Variants in ADGRG6 observed in about 807,000 individuals in gnomAD.
ADGRG6 encodes the protein G-protein coupled receptor 126.
A neutral mutation model predicts 142.4 loss-of-function variants in ADGRG6; 84 were observed. The observed-to-expected ratio is 0.59, with a 90% CI of 0.49 to 0.71. The LOEUF (loss-of-function observed/expected upper bound fraction) is 0.71, where lower values mean the gene tolerates loss of function less well. ADGRG6 is among the 30% of genes least tolerant of loss of function. The pLI is 0.00. For missense variants in ADGRG6, 1,367 were observed against 1,466.6 expected, an observed-to-expected ratio of 0.93 and a Z score of 1.11; for synonymous variants, 521 against 520.5, an observed-to-expected ratio of 1.00 and a Z score of -0.01.
intron 2 of ADGRG6, among the ~76,000 whole-genome samples, chr6:142,352,587 A>G (rs1780239400): frequency 6.6e-6 from 1 of 152,090 alleles, no homozygotes; most frequent in South Asian, 2.1e-4. Flanking sequence ...GTAACAAACC[A>G]CCTGTACCCT....
chr6:142,319,564 C>CT (rs926448093), intron 2 of ADGRG6, among the ~76,000 whole-genome samples: 21 of 152,130 alleles, frequency 1.4e-4, no homozygotes, highest in Middle Eastern at 3.4e-3. Context: ...ACTAATATGA[C>CT]TTTTTTTGTT....
intron 20 of ADGRG6, among the ~76,000 whole-genome samples, chr6:142,416,837 G>C (rs964882225): frequency 6.6e-6 from 1 of 152,076 alleles, no homozygotes; most frequent in Admixed American, 6.6e-5. Flanking sequence ...TAGCCCCCTT[G>C]CTTTTCCTCC....
chr6:142,313,123 A>G (rs548585200), intron 2 of ADGRG6, among the ~76,000 whole-genome samples: 17 of 152,194 alleles, frequency 1.1e-4, no homozygotes, highest in African/African-American at 4.1e-4. Context: ...TTGCCTTCTT[A>G]CAACGATCAG....
At chr6:142,433,542 C>CAGCCTGCAA in intron 22 of ADGRG6, among the ~76,000 whole-genome samples, 1 of 152,196 alleles carries the variant, frequency 6.6e-6, no homozygotes, top group East Asian at 1.9e-4. Context: ...GAAGGAGGAT[C>CAGCCTGCAA]AGCCTGCAAA....
chr6:142,433,772 C>T (rs1196122618), intron 22 of ADGRG6, among the ~76,000 whole-genome samples: 1 of 152,126 alleles, frequency 6.6e-6, no homozygotes, highest in Non-Finnish European at 1.5e-5. Flanking sequence ...TTAGAACTTC[C>T]CAGCCAGTCA....
intron 10 of ADGRG6, among the ~76,000 whole-genome samples, chr6:142,398,086 G>A (rs1775297094): frequency 6.6e-6 from 1 of 152,142 alleles, no homozygotes; most frequent in African/African-American, 2.4e-5. Context: ...AGATGTGAAT[G>A]TGGGAACTCT....
intron 2 of ADGRG6, among the ~76,000 whole-genome samples, chr6:142,331,622 G>A (rs1172088558): frequency 1.3e-5 from 2 of 152,168 alleles, no homozygotes; most frequent in Admixed American, 1.3e-4. Context: ...TTTACAGAAT[G>A]TAGATCTAGA....
At position 142,440,756 on chromosome 6, in the gene ADGRG6, A is replaced by G. The variant is rs566587782; in HGVS notation, c.3574+2392A>G. Among the ~76,000 whole-genome samples, 10 of 152,290 alleles carry G rather than the reference A, an allele frequency of 6.6e-5. No homozygotes were observed. In the East Asian group the frequency reaches 1.7e-3, roughly 26 times the overall value. On this transcript the variant is annotated intron_variant, in intron 24 of 24. Coordinates refer to ENST00000367609, the MANE Select transcript of ADGRG6 (RefSeq NM_198569.3). ...TCCTGGTTTACAGTCAACTGACTTC[A>G]CATAGGCTTTGGCTACCCAGACAGT...
At position 142,377,496 on chromosome 6, in the gene ADGRG6, T is replaced by TG. The variant is rs1781559518; in HGVS notation, c.1070-4451dup. ...CGAAAGCATCTGATGTAAACACTTG[T>TG]GGGGCGGGTGGGAGATTCTCCGGGC... On this transcript the variant is annotated intron_variant, in intron 4 of 24. Coordinates refer to ENST00000367609, the MANE Select transcript of ADGRG6 (RefSeq NM_198569.3). 2.0e-5 allele frequency among the ~76,000 whole-genome samples: 3 copies of TG among 152,328 alleles called. No individual in the cohort carries two copies. The South Asian group carries it at 6.2e-4, about 32-fold the overall frequency.
chr6:142,358,474 A>G (rs557986551), intron 2 of ADGRG6, among the ~76,000 whole-genome samples: 56 of 152,126 alleles, frequency 3.7e-4, no homozygotes, highest in Non-Finnish European at 5.1e-4. Context: ...ATTTCCACAA[A>G]CTGTCAGTGC....
At position 142,445,153 on chromosome 6, in the gene ADGRG6, T is replaced by G. The variant is rs951904720; in HGVS notation, c.*1638T>G. The stretch of plus-strand genomic sequence containing the variant: ...AGATAATGAGGTAGTGGGTTTTTTA[T>G]TACTGTTCCATTTTGCAACATCCTG... On this transcript the variant is annotated 3_prime_UTR_variant, in exon 25 of 25. Coordinates refer to ENST00000367609, the MANE Select transcript of ADGRG6 (RefSeq NM_198569.3). The G allele has an allele frequency of 6.6e-6, 1 of 152,096 alleles. No homozygotes were observed. Among genetic ancestry groups the G allele is most frequent in the Non-Finnish European group, 1.5e-5 (1 of 68,024 alleles). The allele number at this position is 152,096 out of a possible 1,614,324, so 9.4% of individuals were successfully genotyped here. A position where few individuals can be genotyped will look rare whatever the true frequency, so the allele number is the denominator to read the frequency against.
At chr6:142,315,852 TA>T (rs1778031153) in intron 2 of ADGRG6, among the ~76,000 whole-genome samples, 1 of 142,634 alleles carries the variant, frequency 7.0e-6, no homozygotes, top group African/African-American at 2.9e-5. Flanking sequence ...AATAAATAAA[TA>T]AATAAATAAA....
intron 2 of ADGRG6, among the ~76,000 whole-genome samples, chr6:142,356,020 C>A (rs958230262): frequency 6.6e-6 from 1 of 152,156 alleles, no homozygotes; most frequent in African/African-American, 2.4e-5. Context: ...TTGTACATAA[C>A]CTGCCAGAGG....
At chr6:142,414,717 C>T (rs1232279043) in intron 18 of ADGRG6, among the ~76,000 whole-genome samples, 1 of 152,160 alleles carries the variant, frequency 6.6e-6, no homozygotes, top group African/African-American at 2.4e-5. Context: ...TACCGGTTTG[C>T]AGAAAGCTTG....
chr6:142,404,735 A>G (rs1678051331), intron 14 of ADGRG6, among the ~76,000 whole-genome samples: 2 of 152,170 alleles, frequency 1.3e-5, no homozygotes, highest in South Asian at 4.1e-4. Flanking sequence ...CTGATTTAGT[A>G]GGTCCTGGGT....
chr6:142,396,216 A>G (rs566235899), intron 9 of ADGRG6, among the ~76,000 whole-genome samples: 2 of 152,226 alleles, frequency 1.3e-5, no homozygotes, highest in Non-Finnish European at 2.9e-5. Flanking sequence ...TTGTCTTTAA[A>G]CAATGACTTA....
At chr6:142,348,491 T>A (rs1358878868) in intron 2 of ADGRG6, among the ~76,000 whole-genome samples, 2 of 152,208 alleles carry the variant, frequency 1.3e-5, no homozygotes, top group Admixed American at 1.3e-4. Context: ...ATCCCTCCTC[T>A]GTTCATTCCT....
At position 142,338,027 on chromosome 6, in the gene ADGRG6, T is replaced by TTTTTTTTTTTTTTTTTTTTTTTTTG. The variant is rs892007926; in HGVS notation, c.103+28394_103+28395insTTTTTTTTTTTTTGTTTTTTTTTTT. ...ATGCCTTGTATCTTTGTTTTTTTTT[T>TTTTTTTTTTTTTTTTTTTTTTTTTG]TTTTTTTTTTTGAGACGGAGTCTCG... On this transcript the variant is annotated intron_variant, in intron 2 of 24. Coordinates refer to ENST00000367609, the MANE Select transcript of ADGRG6 (RefSeq NM_198569.3). Among the ~76,000 whole-genome samples the TTTTTTTTTTTTTTTTTTTTTTTTTG allele has an allele frequency of 3.8e-4, 22 of 58,010 alleles. 1 individual carries two copies. Among genetic ancestry groups the TTTTTTTTTTTTTTTTTTTTTTTTTG allele is most frequent in the East Asian group, 6.0e-4 (1 of 1,668 alleles). The allele number at this position is 58,010 out of a possible 152,430, so 38.1% of individuals were successfully genotyped here. A position where few individuals can be genotyped will look rare whatever the true frequency, so the allele number is the denominator to read the frequency against.
intron 2 of ADGRG6, among the ~76,000 whole-genome samples, chr6:142,350,500 A>G (rs554911525): frequency 1.3e-4 from 20 of 152,232 alleles, no homozygotes; most frequent in Admixed American, 1.3e-3. Flanking sequence ...CAACTGGTAC[A>G]TGATGCACCT....
Sources: allele counts gnomAD v4.1 joint callset (sites outside exome capture counted in the v4.1 genomes callset), GRCh38; gene constraint gnomAD v4.1.1; transcripts MANE v1.5; gene names NCBI Gene and HGNC (gene_info 2026-07-23, HGNC 2026-07-21).